GABRA6: variants seen among roughly 807,000 people sequenced by gnomAD.
The protein encoded by GABRA6 is gamma-aminobutyric acid type A receptor subunit alpha6.
Under a neutral mutation model 47.3 loss-of-function variants are expected in GABRA6, and 45 were observed. That is an observed-to-expected ratio of 0.95 (90% CI 0.75 to 1.22). GABRA6 has a LOEUF of 1.22. Among genes scored for constraint, GABRA6 ranks in the 50% most tolerant of loss-of-function variants. The pLI, the probability that GABRA6 is intolerant of heterozygous loss-of-function variation, is 0.00. For missense variants in GABRA6, 583 were observed against 549.3 expected (o/e 1.06, Z -0.61); for synonymous variants, 219 against 194.7 (o/e 1.12, Z -1.04).
At chr5:161,701,473 C>G in intron 8 of GABRA6, 25 bp from the exon 9 acceptor site, 1 of 1,612,212 alleles carries the variant, frequency 6.2e-7, no homozygotes, top group Non-Finnish European at 8.5e-7. Flanking sequence ...TTCATTTGGG[C>G]TTAATATTTG....
rs766636002 is a variant in GABRA6 at position 161,702,008 on chromosome 5, TTA to T, written c.*237_*238del. On this transcript the variant is annotated 3_prime_UTR_variant, in exon 9 of 9. Transcript: ENST00000274545. ...CTTTTCTGTATGTTAGAGAAAAACT[TTA>T]TGAGGATGAAATGGGTTCAAGATGA... 1.5e-4 allele frequency: 78 copies of T among 537,476 alleles called. No homozygotes were observed. The highest frequency in any genetic ancestry group is 2.3e-4 in the Non-Finnish European group (70 of 301,158). 33.3% of individuals were successfully genotyped at this position (537,476 alleles called of 1,614,324 possible).
At chr5:161,689,800 T>C in intron 6 of GABRA6, 21 bp downstream of exon 6, 1 of 1,606,778 alleles carries the variant, frequency 6.2e-7, no homozygotes, top group Non-Finnish European at 8.5e-7. Flanking sequence ...GACCAAAGGA[T>C]GGAAATAATC....
chr5:161,689,091 A>T lies in GABRA6; in HGVS notation c.368A>T (p.Lys123Met), dbSNP rs575557343. Residue 123 changes from lysine to methionine, a missense_variant, in exon 4 of 9, where the codon AAG becomes ATG. Coordinates refer to ENST00000274545, the MANE Select transcript of GABRA6 (RefSeq NM_000811.3). Reference sequence around the variant, plus strand: ...GACACCTTTTTCAGAAATGGTAAAAAGTCCATTGCTCACAACATGACAACT... The same window carrying T: ...GACACCTTTTTCAGAAATGGTAAAATGTCCATTGCTCACAACATGACAACT... ...TPDTFFRNGK[K>M]SIAHNMTTPN... is the part of the protein sequence containing the mutation. 3 of 1,614,108 alleles carry T rather than the reference A, an allele frequency of 1.9e-6. No homozygotes were observed. Among genetic ancestry groups the T allele is most frequent in the Non-Finnish European group, 2.5e-6 (3 of 1,179,980 alleles).
chr5:161,700,801 T>A (rs759749519), intron 8 of GABRA6, among the ~76,000 whole-genome samples: 34 of 152,168 alleles, frequency 2.2e-4, no homozygotes, highest in Non-Finnish European at 8.8e-5. Context: ...GAAAGACCAG[T>A]TAGAAAGTTC....
intron 8 of GABRA6, among the ~76,000 whole-genome samples, 155 bp downstream of exon 8, chr5:161,692,355 A>G (rs1046204404): frequency 4.6e-5 from 7 of 152,222 alleles, no homozygotes; most frequent in Non-Finnish European, 1.0e-4. Context: ...CCAACTTCAC[A>G]GAGAAAAGCT....
rs200710979 is a variant in GABRA6, at chr5:161,689,667, G to T, written c.561G>T (p.Thr187=). The T allele has an allele frequency of 1.2e-4, 193 of 1,609,278 alleles. No homozygotes were observed. Among genetic ancestry groups the T allele is most frequent in the Middle Eastern group, 1.6e-4 (1 of 6,074 alleles). ...ATCCCAAAAGTGAAATCATATATACGTGGAAAAAAGGACCACTTTACTCAG... is the reference window on the plus strand; with the variant it reads ...ATCCCAAAAGTGAAATCATATATACTTGGAAAAAAGGACCACTTTACTCAG... ...YAYPKSEIIY[T]WKKGPLYSVE... The change falls in exon 6 of 9, where the codon ACG becomes ACT. Residue 187 remains threonine, a synonymous_variant. Transcript: ENST00000274545.
intron 8 of GABRA6, among the ~76,000 whole-genome samples, chr5:161,700,716 A>G (rs962962134): frequency 6.6e-6 from 1 of 152,172 alleles, no homozygotes; most frequent in African/African-American, 2.4e-5. Context: ...GTGAGACAGG[A>G]GGTTTAGAGA....
intron 8 of GABRA6, among the ~76,000 whole-genome samples, chr5:161,696,761 C>T (rs1185796029): frequency 6.6e-6 from 1 of 152,164 alleles, no homozygotes; most frequent in East Asian, 1.9e-4. Flanking sequence ...AACACAAACA[C>T]AGGAAAACCC....
At chr5:161,696,851 T>C (rs930733779) in intron 8 of GABRA6, among the ~76,000 whole-genome samples, 5 of 152,162 alleles carry the variant, frequency 3.3e-5, no homozygotes, top group Non-Finnish European at 5.9e-5. Flanking sequence ...AAAAATATTT[T>C]CTCTCATCTG....
At position 161,685,994 on chromosome 5, in the gene GABRA6, C is replaced by A. The variant is rs761561088; in HGVS notation, c.5C>A (p.Ala2Glu). 6.2e-7 allele frequency: 1 copy of A among 1,613,648 alleles called. No individual in the cohort carries two copies. The highest frequency in any genetic ancestry group is 8.5e-7 in the Non-Finnish European group (1 of 1,179,572). The stretch of plus-strand genomic sequence containing the variant: ...TGCATTTCAGTGCACTGCAGGATGG[C>A]GTCGTCTCTGCCCTGGCTGTGCATT... M[A>E]SSLPWLCIIL... The change falls in exon 1 of 9, where the codon GCG becomes GAG. Residue 2 changes from alanine (A) to glutamate (E), a missense_variant. Coordinates refer to ENST00000274545, the MANE Select transcript of GABRA6 (RefSeq NM_000811.3).
At chr5:161,687,343 C>T (rs1754719082) in intron 3 of GABRA6, 1 of 386,732 alleles carries the variant, frequency 2.6e-6, no homozygotes, top group African/African-American at 2.1e-5. Flanking sequence ...ACACACAGAT[C>T]TTATTCCATA....
intron 3 of GABRA6, chr5:161,687,639 A>G (rs1754725198): frequency 7.6e-6 from 3 of 395,680 alleles, no homozygotes; most frequent in South Asian, 5.5e-5. Context: ...CTCAGGTGGC[A>G]TTTCTCTCTA....
chr5:161,699,426 A>G (rs1754940311), intron 8 of GABRA6, among the ~76,000 whole-genome samples: 1 of 152,150 alleles, frequency 6.6e-6, no homozygotes, highest in Admixed American at 6.5e-5. Context: ...TTAGAGTCTG[A>G]GAAACATGAT....
At position 161,689,261 on chromosome 5, in the gene GABRA6, A is replaced by T. The variant is rs781456872; in HGVS notation, c.454A>T (p.Ile152Phe). The change falls in exon 5 of 9, where the codon ATC (isoleucine) becomes TTC (phenylalanine). Residue 152 changes from isoleucine to phenylalanine, a missense_variant. By Grantham distance (21) the Ile-to-Phe change is conservative (BLOSUM62 0). Coordinates refer to ENST00000274545, the MANE Select transcript of GABRA6 (RefSeq NM_000811.3). Reference sequence around the variant, plus strand: ...TGATTTCAATGTTTCTAGGCTTACCATCAATGCTGACTGTCCCATGAGGCT... The same window carrying T: ...TGATTTCAATGTTTCTAGGCTTACCTTCAATGCTGACTGTCCCATGAGGCT... ...GTILYTMRLT[I>F]NADCPMRLVN... 66 of 1,613,944 alleles carry T rather than the reference A, an allele frequency of 4.1e-5. No homozygotes were observed. Among genetic ancestry groups the T allele is most frequent in the Non-Finnish European group, 5.4e-5 (64 of 1,179,930 alleles).
At position 161,688,930 on chromosome 5, in the gene GABRA6, AT is replaced by A. The variant is rs1457811426; in HGVS notation, c.226-18del. 3 of 1,593,590 alleles carry A rather than the reference AT, an allele frequency of 1.9e-6. No homozygotes were observed. In the African/African-American group the frequency reaches 4.0e-5, roughly 21 times the overall value. The stretch of plus-strand genomic sequence containing the variant: ...CAAACTATCTTTCCAGCCCACACAA[AT>A]ATTTTATTTTCTCTTAGGAGTATAC... On this transcript the variant is annotated intron_variant, in intron 3 of 8. Coordinates refer to ENST00000274545, the MANE Select transcript of GABRA6 (RefSeq NM_000811.3).
rs768036626 is a variant in GABRA6 at position 161,690,221 on chromosome 5, G to A, written c.694G>A (p.Val232Ile). 6.2e-7 allele frequency: 1 copy of A among 1,613,750 alleles called. No individual in the cohort carries two copies. The highest frequency in any genetic ancestry group is 2.2e-5 in the East Asian group (1 of 44,806). The change falls in exon 7 of 9, where the codon GTT (valine) becomes ATT (isoleucine). Residue 232 changes from valine to isoleucine, a missense_variant. By Grantham distance (29) the Val-to-Ile change is conservative (BLOSUM62 3). Transcript: ENST00000274545. ...SNTGEYVIMT[V>I]YFHLQRKMGY... is the part of the protein sequence containing the mutation. ...AACAGGTGAATACGTTATAATGACA[G>A]TTTACTTCCACTTGCAAAGGAAGAT...
At chr5:161,689,511 A>T (rs754940699) in intron 5 of GABRA6, 125 bp from the exon 6 acceptor site, 2 of 1,102,282 alleles carry the variant, frequency 1.8e-6, no homozygotes, top group Admixed American at 2.0e-5. Context: ...AGTCACCAAG[A>T]TTAAAGAAAA....
At chr5:161,697,780 A>T (rs969535626) in intron 8 of GABRA6, among the ~76,000 whole-genome samples, 4 of 152,172 alleles carry the variant, frequency 2.6e-5, no homozygotes, top group African/African-American at 9.7e-5. Flanking sequence ...AGAATAGCAT[A>T]ATAATTGTTA....
chr5:161,701,408 A>G, intron 8 of GABRA6, 90 bp from the exon 9 acceptor site: 1 of 1,395,926 alleles, frequency 7.2e-7, no homozygotes, highest in Non-Finnish European at 1.0e-6. Context: ...TCGTCAATAA[A>G]TATTTGTCAA....
Sources: allele counts gnomAD v4.1 joint callset (sites outside exome capture counted in the v4.1 genomes callset), GRCh38; gene constraint gnomAD v4.1.1; transcripts MANE v1.5; gene names NCBI Gene and HGNC (gene_info 2026-07-23, HGNC 2026-07-21).